INVS: variants seen among roughly 807,000 people sequenced by gnomAD.
INVS encodes inversion of embryo turning homolog.
INVS carries 86 observed loss-of-function variants against 108.8 expected under a neutral mutation model. The observed-to-expected ratio is 0.79, with a 90% CI of 0.66 to 0.95. The LOEUF (loss-of-function observed/expected upper bound fraction) is 0.95. Ranked by LOEUF, INVS falls within the 40% of genes least tolerant of loss-of-function variation. The pLI is 0.00. For synonymous variants in INVS, 455 were observed against 473.5 expected (o/e 0.96, Z 0.51); for missense variants, 1,169 against 1,297.4 (o/e 0.90, Z 1.52).
At chr9:100,189,103 CTTCTTTTTTTTTT>C (rs1163112036) in intron 3 of INVS, among the ~76,000 whole-genome samples, 2 of 76,676 alleles carry the variant, frequency 2.6e-5, no homozygotes, top group African/African-American at 8.2e-5. Flanking sequence ...TTATTTGCAT[CTTCTTTTTTTTTT>C]TTTTTTTTTT....
intron 3 of INVS, among the ~76,000 whole-genome samples, chr9:100,167,513 C>T (rs1054010492): frequency 6.6e-6 from 1 of 152,200 alleles, no homozygotes; most frequent in Non-Finnish European, 1.5e-5. Context: ...TTATTCAAGT[C>T]ACTGTCTCAG....
intron 3 of INVS, chr9:100,175,298 T>C: frequency 1.4e-6 from 1 of 697,112 alleles, no homozygotes; most frequent in Non-Finnish European, 2.7e-6. Context: ...CTTGCATATA[T>C]CTTCTGCTGA....
chr9:100,201,938 C>T (rs1219313086), intron 3 of INVS, among the ~76,000 whole-genome samples: 1 of 152,146 alleles, frequency 6.6e-6, no homozygotes, highest in Admixed American at 6.5e-5. Context: ...ATCTTACAAG[C>T]CAGTGTTAGT....
At chr9:100,175,739 C>T in intron 3 of INVS, 2 of 629,024 alleles carry the variant, frequency 3.2e-6, no homozygotes, top group Non-Finnish European at 6.1e-6. Flanking sequence ...GCAACCAGAC[C>T]TGTAGCAGTT....
At chr9:100,202,092 G>GTTTTTTTTTTTTTTT (rs35296886) in intron 3 of INVS, among the ~76,000 whole-genome samples, 1 of 147,870 alleles carries the variant, frequency 6.8e-6, no homozygotes, top group Non-Finnish European at 1.5e-5. Context: ...TATTACAATA[G>GTTTTTTTTTTTTTTT]TTTTTTTTTT....
chr9:100,133,956 A>T (rs2761056), intron 3 of INVS, among the ~76,000 whole-genome samples: 1 of 151,980 alleles, frequency 6.6e-6, no homozygotes, highest in Non-Finnish European at 1.5e-5. Context: ...CTATTTTTCC[A>T]TAAGTTATTG....
chr9:100,135,654 G>T (rs1161347981), intron 3 of INVS, among the ~76,000 whole-genome samples: 1 of 152,134 alleles, frequency 6.6e-6, no homozygotes, highest in African/African-American at 2.4e-5. Flanking sequence ...ACTCATAGAG[G>T]TAGGATATAC....
chr9:100,165,285 A>G (rs1020912844), intron 3 of INVS, among the ~76,000 whole-genome samples: 1 of 152,002 alleles, frequency 6.6e-6, no homozygotes, highest in African/African-American at 2.4e-5. Flanking sequence ...TTTTATTATT[A>G]TGGTACATTC....
At position 100,292,651 on chromosome 9, in the gene INVS, C is replaced by T. The variant is rs751531097; in HGVS notation, c.2394C>T (p.Leu798=). ...CCCAGAAAAGGCGCACTCAAGAGCT[C>T]AGAGGAGGAAGGTGCTCTCCGGCTG... ...CAPQKRRTQE[L]RGGRCSPAGS... Residue 798 remains leucine, a synonymous_variant, in exon 14 of 17, where the codon CTC becomes CTT. Coordinates refer to ENST00000262457, the MANE Select transcript of INVS (RefSeq NM_014425.5). 1 of 1,614,080 alleles carries T rather than the reference C, an allele frequency of 6.2e-7. No homozygotes were observed. Among genetic ancestry groups the T allele is most frequent in the African/African-American group, 1.3e-5 (1 of 74,934 alleles).
intron 3 of INVS, among the ~76,000 whole-genome samples, chr9:100,158,703 G>A (rs1022645612): frequency 7.2e-5 from 11 of 152,156 alleles, no homozygotes; most frequent in African/African-American, 2.4e-4. Flanking sequence ...CTCTGATGGA[G>A]TAGATGAGCT....
chr9:100,139,661 G>A (rs1296249606), intron 3 of INVS, among the ~76,000 whole-genome samples: 1 of 151,828 alleles, frequency 6.6e-6, no homozygotes, highest in Non-Finnish European at 1.5e-5. Flanking sequence ...TTTGTGGGGG[G>A]AGATAGAGTC....
chr9:100,196,367 C>T (rs1270504381), intron 3 of INVS, among the ~76,000 whole-genome samples: 1 of 152,176 alleles, frequency 6.6e-6, no homozygotes, highest in Non-Finnish European at 1.5e-5. Context: ...GTGGGAGTTT[C>T]TGATAAACAA....
At chr9:100,161,144 G>A (rs547307800) in intron 3 of INVS, among the ~76,000 whole-genome samples, 16 of 151,812 alleles carry the variant, frequency 1.1e-4, no homozygotes, top group Admixed American at 3.3e-4. Flanking sequence ...GGGAGGCCGA[G>A]TTGGGGGGAT....
chr9:100,225,798 T>C (rs1831298289), intron 3 of INVS, among the ~76,000 whole-genome samples: 1 of 152,172 alleles, frequency 6.6e-6, no homozygotes, highest in African/African-American at 2.4e-5. Flanking sequence ...AATAGACTGG[T>C]TAAATAAAAC....
chr9:100,138,881 A>G (rs1397817174), intron 3 of INVS, among the ~76,000 whole-genome samples: 3 of 140,620 alleles, frequency 2.1e-5, no homozygotes, highest in Non-Finnish European at 4.5e-5. Flanking sequence ...TAATTTTTGT[A>G]TTTTTAGTAG....
intron 3 of INVS, 33 bp downstream of exon 3, chr9:100,126,582 T>C (rs1190865271): frequency 3.1e-6 from 5 of 1,601,130 alleles, no homozygotes; most frequent in Non-Finnish European, 3.4e-6. Flanking sequence ...AGAGTAAATG[T>C]TTTGTGTGAT....
At chr9:100,100,749 C>CAT (rs1468596845) in intron 1 of INVS, among the ~76,000 whole-genome samples, 374 of 8,738 alleles carry the variant, frequency 0.043, 30 homozygotes, top group African/African-American at 0.07. Context: ...ATTATATGTA[C>CAT]ATATAATATA....
rs753100317 is a variant in INVS at position 100,292,971 on chromosome 9, G to A, written c.2714G>A (p.Arg905Lys). 7 of 1,613,302 alleles carry A rather than the reference G, an allele frequency of 4.3e-6. No homozygotes were observed. Among genetic ancestry groups the A allele is most frequent in the Non-Finnish European group, 5.9e-6 (7 of 1,179,352 alleles). ...PVELRLQIIQRERRRKELFRK... is the reference protein window; with the variant it reads ...PVELRLQIIQKERRRKELFRK... ...GAGCTCCGACTGCAGATAATTCAGA[G>A]AGAACGAAGGAGGAAGGAGCTGTTT... The change falls in exon 14 of 17, where the codon AGA becomes AAA. Residue 905 changes from arginine to lysine, a missense_variant. Arg to Lys is a conservative substitution (Grantham distance 26). Transcript: ENST00000262457.
chr9:100,265,015 T>C (rs563086480), intron 11 of INVS, 87 bp downstream of exon 11: 2 of 850,810 alleles, frequency 2.4e-6, no homozygotes, highest in South Asian at 2.7e-5. Context: ...CGATCTTGGC[T>C]CACTGCAACC....
Sources: gnomAD v4.1 joint callset for allele counts (sites outside exome capture counted in the v4.1 genomes callset) on GRCh38, gnomAD v4.1.1 for gene constraint, MANE v1.5 for transcripts, NCBI Gene and HGNC (gene_info 2026-07-23, HGNC 2026-07-21) for gene names.